Variants in ZSCAN5A observed in about 807,000 individuals in gnomAD.
ZSCAN5A encodes the protein zinc finger and SCAN domain-containing protein 5A.
ZSCAN5A carries 12 observed loss-of-function variants against 23.7 expected under a neutral mutation model. The ratio of observed to expected loss-of-function variants is 0.51; its 90% CI spans 0.32 to 0.82. The LOEUF (loss-of-function observed/expected upper bound fraction) is 0.82, where lower values mean the gene tolerates loss of function less well. Ranked by LOEUF, ZSCAN5A falls within the 40% of genes least tolerant of loss-of-function variation. ZSCAN5A has a pLI of 0.03. For missense variants in ZSCAN5A, 597 were observed against 617.9 expected (o/e 0.97, Z 0.36); for synonymous variants, 257 against 239.9 (o/e 1.07, Z -0.66).
At chr19:56,289,006 C>G (rs2039332026) in intron 2 of ZSCAN5A, among the ~76,000 whole-genome samples, 1 of 152,170 alleles carries the variant, frequency 6.6e-6, no homozygotes, top group Non-Finnish European at 1.5e-5. Context: ...CAGTGTTTAG[C>G]CATTCGCCTG....
chr19:56,271,987 C>T (rs1188209214), intron 2 of ZSCAN5A, among the ~76,000 whole-genome samples: 1 of 152,190 alleles, frequency 6.6e-6, no homozygotes. Context: ...ATGGCTACAA[C>T]AGTACAAATT....
intron 2 of ZSCAN5A, among the ~76,000 whole-genome samples, chr19:56,331,566 T>G (rs1050108736): frequency 1.4e-5 from 2 of 145,662 alleles, no homozygotes; most frequent in Non-Finnish European, 3.0e-5. Context: ...CTATTGTAAA[T>G]GGAATTGCAT....
chr19:56,281,820 A>G (rs1336216803), intron 2 of ZSCAN5A: 1 of 436,836 alleles, frequency 2.3e-6, no homozygotes, highest in Non-Finnish European at 3.0e-6. Context: ...GCAGATTCAG[A>G]TGTCCTCAAT....
rs115187695 is a variant in ZSCAN5A, at chr19:56,355,576, G to A, written c.-358+7659C>T. 1.1e-3 allele frequency among the ~76,000 whole-genome samples: 160 copies of A among 148,938 alleles called. 20 individuals carry two copies. The highest frequency in any genetic ancestry group is 3.8e-3 in the African/African-American group (152 of 39,614). On this transcript the variant is annotated intron_variant, in intron 2 of 6. Coordinates refer to the ZSCAN5A transcript ENST00000587340. ...AAATAAAGTAACAACAATAGCCCAAGACCAAGCTCTGTAAAACAATTATGA... is the reference window on the plus strand; with the variant it reads ...AAATAAAGTAACAACAATAGCCCAAAACCAAGCTCTGTAAAACAATTATGA...
chr19:56,327,245 T>C (rs2041442964), intron 2 of ZSCAN5A, among the ~76,000 whole-genome samples: 3 of 152,014 alleles, frequency 2.0e-5, no homozygotes, highest in Admixed American at 1.3e-4. Flanking sequence ...GCCTCCCAAG[T>C]AGCTAGGACT....
At chr19:56,263,815 A>G (rs1190442215) in intron 2 of ZSCAN5A, 1 of 152,132 alleles carries the variant, frequency 6.6e-6, no homozygotes, top group Non-Finnish European at 1.5e-5. Context: ...TGATAATAAC[A>G]TGTAATAACA....
rs569896289 is a variant in ZSCAN5A, at chr19:56,354,133, G to A, written c.-358+9102C>T. Reference sequence around the variant, plus strand: ...AGTGTGGTGGTTGCGAGGAGCTGATGGGAAGAGAATAAAAAGAGTTGCTTT... The same window carrying A: ...AGTGTGGTGGTTGCGAGGAGCTGATAGGAAGAGAATAAAAAGAGTTGCTTT... On this transcript the variant is annotated intron_variant, in intron 2 of 6. Transcript: ENST00000587340. Among the ~76,000 whole-genome samples the A allele has an allele frequency of 7.9e-4, 121 of 152,260 alleles. 2 individuals carry two copies. The highest frequency in any genetic ancestry group is 4.6e-4 in the Non-Finnish European group (31 of 68,014).
chr19:56,259,366 A>G (rs2036957044), intron 2 of ZSCAN5A, among the ~76,000 whole-genome samples: 1 of 152,070 alleles, frequency 6.6e-6, no homozygotes, highest in African/African-American at 2.4e-5. Flanking sequence ...GCCTGGCTGC[A>G]CCCTGTAATT....
chr19:56,337,582 C>G (rs73052189), intron 2 of ZSCAN5A, among the ~76,000 whole-genome samples: 1 of 152,038 alleles, frequency 6.6e-6, no homozygotes, highest in Non-Finnish European at 1.5e-5. Flanking sequence ...TGCACTGCAC[C>G]GCACCCACTG....
intron 1 of ZSCAN5A, among the ~76,000 whole-genome samples, chr19:56,365,333 A>G (rs150571707): frequency 6.6e-6 from 1 of 152,188 alleles, no homozygotes; most frequent in African/African-American, 2.4e-5. Context: ...TTCAATAATA[A>G]AACTGTTTTC....
At chr19:56,330,505 T>C (rs1250579284) in intron 2 of ZSCAN5A, among the ~76,000 whole-genome samples, 1 of 152,190 alleles carries the variant, frequency 6.6e-6, no homozygotes, top group Non-Finnish European at 1.5e-5. Context: ...TTGTTTTTTT[T>C]ACTTTTTAAT....
chr19:56,307,201 C>G (rs2040744617), intron 2 of ZSCAN5A, among the ~76,000 whole-genome samples: 1 of 151,888 alleles, frequency 6.6e-6, no homozygotes, highest in Admixed American at 6.6e-5. Context: ...TACAAAGAGG[C>G]TCCTCCCTGG....
intron 2 of ZSCAN5A, chr19:56,321,298 C>T (rs2041373125): frequency 1.5e-6 from 1 of 661,586 alleles, no homozygotes. Flanking sequence ...AAGAAAATAA[C>T]TCGCCCATCA....
At chr19:56,276,065 C>G (rs1300547508) in intron 2 of ZSCAN5A, among the ~76,000 whole-genome samples, 3 of 152,194 alleles carry the variant, frequency 2.0e-5, no homozygotes, top group African/African-American at 7.2e-5. Flanking sequence ...CCGTTGTGAA[C>G]TGGCTGGCTG....
upstream of ZSCAN5A, among the ~76,000 whole-genome samples, chr19:56,319,238 C>T (rs931764807): frequency 1.6e-4 from 24 of 152,056 alleles, no homozygotes; most frequent in Admixed American, 3.3e-4. Context: ...TGGCTCACGA[C>T]TGTAATCCCA....
intron 2 of ZSCAN5A, among the ~76,000 whole-genome samples, chr19:56,239,018 T>C (rs1364664794): frequency 2.0e-5 from 3 of 152,180 alleles, no homozygotes; most frequent in Non-Finnish European, 4.4e-5. Flanking sequence ...TATGAGAAAA[T>C]GCATCAGGAA....
At chr19:56,330,299 G>A (rs961890262) in intron 2 of ZSCAN5A, among the ~76,000 whole-genome samples, 2 of 152,286 alleles carry the variant, frequency 1.3e-5, no homozygotes, top group Admixed American at 1.3e-4. Context: ...GAACATATGG[G>A]TGCATGTGTC....
rs2033166234 is a variant in ZSCAN5A, at chr19:56,221,601, T to G, written c.1465A>C (p.Thr489Pro). The change falls in exon 6 of 6, where the codon ACA (threonine) becomes CCA (proline). Residue 489 changes from threonine to proline, a missense_variant. Coordinates refer to ENST00000683990, the MANE Select transcript of ZSCAN5A (RefSeq NM_001322064.3). ...RLKLLRRHQK[T>P]HPEATSQ ...CACTGAGAAGTAGCTTCTGGATGTG[T>G]TTTCTGGTGGCGTCTTAACAATTTC... The G allele has an allele frequency of 1.2e-6, 2 of 1,606,496 alleles. No homozygotes were observed. The highest frequency in any genetic ancestry group is 1.7e-5 in the Admixed American group (1 of 58,586).
chr19:56,308,154 C>T (rs1419811596), intron 2 of ZSCAN5A, among the ~76,000 whole-genome samples: 1 of 152,244 alleles, frequency 6.6e-6, no homozygotes, highest in Admixed American at 6.5e-5. Context: ...CTGCCTCAGC[C>T]TCCCAAGTAG....
Sources: gnomAD v4.1 joint callset for allele counts (sites outside exome capture counted in the v4.1 genomes callset) on GRCh38, gnomAD v4.1.1 for gene constraint, MANE v1.5 for transcripts, NCBI Gene and HGNC (gene_info 2026-07-23, HGNC 2026-07-21) for gene names.